PPP6R1: variants seen among roughly 807,000 people sequenced by gnomAD.
PPP6R1 encodes the protein serine/threonine-protein phosphatase 6 regulatory subunit 1.
A neutral mutation model predicts 104.6 loss-of-function variants in PPP6R1; 39 were observed. The observed-to-expected ratio is 0.37, with a 90% CI of 0.29 to 0.49. The LOEUF (loss-of-function observed/expected upper bound fraction) is 0.49, where lower values mean the gene tolerates loss of function less well. Among genes scored for constraint, PPP6R1 ranks in the 20% least tolerant of loss-of-function variants. PPP6R1 has a pLI of 0.98. For synonymous variants in PPP6R1, 549 were observed against 479.0 expected, an observed-to-expected ratio of 1.15 and a Z score of -1.91; for missense variants, 1,181 against 1,155.8, an observed-to-expected ratio of 1.02 and a Z score of -0.32.
At position 55,230,629 on chromosome 19, in the gene PPP6R1, C is replaced by T; in HGVS notation, c.2626G>A (p.Ala876Thr). 6.2e-7 allele frequency: 1 copy of T among 1,611,426 alleles called. No homozygotes were observed. The highest frequency in any genetic ancestry group is 8.5e-7 in the Non-Finnish European group (1 of 1,178,744). ...CACACTCACTGGGAGCCTGGGGATG[C>T]AGGCCCTTCCGGGGCAGAGCCATTG... is the stretch of plus-strand genomic sequence containing the variant. ...IPNGSAPEGP[A>T]SPGSQ is the part of the protein sequence containing the mutation. Residue 876 changes from alanine (A) to threonine (T), a missense_variant, in exon 23 of 24, where the codon GCA (alanine) becomes ACA (threonine). Coordinates refer to ENST00000412770, the MANE Select transcript of PPP6R1 (RefSeq NM_014931.4).
chr19:55,228,411 G>A (rs753736775), downstream of PPP6R1: 13 of 1,612,952 alleles, frequency 8.1e-6, no homozygotes, highest in Admixed American at 8.3e-5. Flanking sequence ...GGATGAAGGG[G>A]CTCAGCCACC....
In PPP6R1 at chr19:55,245,615, A is replaced by T; in HGVS notation, c.291T>A (p.Gly97=). The T allele has an allele frequency of 6.2e-7, 1 of 1,611,688 alleles. No individual in the cohort carries two copies. The change falls in exon 3 of 24, where the codon GGT becomes GGA. Residue 97 remains glycine (G), a synonymous_variant. Coordinates refer to ENST00000412770, the MANE Select transcript of PPP6R1 (RefSeq NM_014931.4). The surrounding 1 kb of genome is among the most constrained non-coding windows in gnomAD (Gnocchi z 6.4). The part of the protein sequence containing the change: ...SDVPQINDAL[G]ADESLLNRLY... ...GCCGGTTCAGAAGGGACTCATCAGC[A>T]CCCAGGGCATCATTGATCTGGGGCA...
At chr19:55,232,457 T>C (rs2122524081) in intron 17 of PPP6R1, 1 of 471,022 alleles carries the variant, frequency 2.1e-6, no homozygotes, top group Non-Finnish European at 3.7e-6. Flanking sequence ...CCGTCGCCAG[T>C]CATCCGTGGA....
At chr19:55,246,292 G>A (rs981410058) in intron 2 of PPP6R1, among the ~76,000 whole-genome samples, 94 of 152,090 alleles carry the variant, frequency 6.2e-4, no homozygotes, top group African/African-American at 2.1e-3. Context: ...TTAGCTGGGC[G>A]TGCTGGCTTA....
At chr19:55,252,695 C>T (rs1017438216) in intron 1 of PPP6R1, among the ~76,000 whole-genome samples, 5 of 152,042 alleles carry the variant, frequency 3.3e-5, no homozygotes, top group Non-Finnish European at 5.9e-5. Context: ...TCACCACGCC[C>T]GGCCTAATTT....
intron 5 of PPP6R1, chr19:55,242,708 T>C (rs1317113822): frequency 3.7e-6 from 2 of 544,508 alleles, no homozygotes; most frequent in Non-Finnish European, 6.7e-6. Context: ...ACAGGAGGCA[T>C]CCACACAAGG....
chr19:55,238,259 C>A (rs1315328656), intron 15 of PPP6R1, among the ~76,000 whole-genome samples: 4 of 152,206 alleles, frequency 2.6e-5, no homozygotes, highest in African/African-American at 9.6e-5. Flanking sequence ...CCCACAAAGA[C>A]CAACGCTCTG....
At chr19:55,232,639 C>T (rs1260553999) in intron 17 of PPP6R1, 1 of 169,956 alleles carries the variant, frequency 5.9e-6, no homozygotes, top group Non-Finnish European at 1.3e-5. Flanking sequence ...CTACTCTCTC[C>T]CTCCAACTAG....
At chr19:55,254,826 G>T (rs2087580459) in intron 1 of PPP6R1, among the ~76,000 whole-genome samples, 1 of 152,198 alleles carries the variant, frequency 6.6e-6, no homozygotes, top group Non-Finnish European at 1.5e-5. Context: ...TGTCCCCCAA[G>T]CCTCTGTCAG....
intron 1 of PPP6R1, among the ~76,000 whole-genome samples, 200 bp downstream of exon 1, chr19:55,258,235 A>C (rs914247945): frequency 6.6e-6 from 1 of 152,082 alleles, no homozygotes; most frequent in African/African-American, 2.4e-5. Context: ...GCTGAGGTGA[A>C]GAGATTAAGA....
rs779810101 is a variant in PPP6R1 at position 55,245,593 on chromosome 19, G to A, written c.313C>T (p.Arg105Trp). Residue 105 changes from arginine to tryptophan, a missense_variant, in exon 3 of 24, where the codon CGG (arginine) becomes TGG (tryptophan). Physicochemically the swap from Arg to Trp is moderately radical, Grantham distance 101 (BLOSUM62 -3). Transcript: ENST00000412770. The surrounding 1 kb of genome is among the most constrained non-coding windows in gnomAD (Gnocchi z 6.4). ...ALGADESLLN[R>W]LYGFLQSTGS... ...GTGCTCTGCAGGAAGCCGTAGAGCC[G>A]GTTCAGAAGGGACTCATCAGCACCC... 4 of 1,612,746 alleles carry A rather than the reference G, an allele frequency of 2.5e-6. No homozygotes were observed. The highest frequency in any genetic ancestry group is 3.4e-6 in the Non-Finnish European group (4 of 1,179,744).
At chr19:55,231,543 C>T (rs1600102689) in intron 20 of PPP6R1, 52 bp from the exon 21 acceptor site, 3 of 1,597,232 alleles carry the variant, frequency 1.9e-6, no homozygotes, top group South Asian at 1.1e-5. Context: ...TCGGAGCTGG[C>T]CAGGCTGCTC....
rs561529421 is a variant in PPP6R1, at chr19:55,242,418, T to A, written c.689A>T (p.Gln230Leu). The change falls in exon 6 of 24, where the codon CAG becomes CTG. Residue 230 changes from glutamine (Q) to leucine (L), a missense_variant. By Grantham distance (113) the Gln-to-Leu change is moderately radical. Coordinates refer to ENST00000412770, the MANE Select transcript of PPP6R1 (RefSeq NM_014931.4). ...CAGTTGGTCAGGCTCTGGGCTGTCC[T>A]GGACTTGGATCATCTGCTCCCGGCT... ...RLSREQMIQV[Q>L]DSPEPDQLLA... The A allele has an allele frequency of 1.2e-6, 2 of 1,613,882 alleles. No individual in the cohort carries two copies. The highest frequency in any genetic ancestry group is 1.3e-5 in the African/African-American group (1 of 74,950).
intron 1 of PPP6R1, among the ~76,000 whole-genome samples, chr19:55,251,761 G>A (rs573314301): frequency 2.0e-5 from 3 of 152,278 alleles, no homozygotes; most frequent in South Asian, 4.1e-4. Flanking sequence ...AGAAAACTCA[G>A]GCTCAGCAAA....
At position 55,235,657 on chromosome 19, in the gene PPP6R1, C is replaced by T. The variant is rs575523808; in HGVS notation, c.1988+986G>A. Among the ~76,000 whole-genome samples the T allele has an allele frequency of 2.2e-3, 328 of 151,004 alleles. 2 individuals are homozygous for T. Among genetic ancestry groups the T allele is most frequent in the African/African-American group, 6.7e-3 (277 of 41,136 alleles). ...CCTCAGCCTCCCAAGTCGCTGGGAC[C>T]ACAGGTGCCCGCCACCACGCCCGGC... On this transcript the variant is annotated intron_variant, in intron 17 of 23. Coordinates refer to ENST00000412770, the MANE Select transcript of PPP6R1 (RefSeq NM_014931.4).
At chr19:55,252,098 T>A (rs547470583) in intron 1 of PPP6R1, among the ~76,000 whole-genome samples, 1 of 152,276 alleles carries the variant, frequency 6.6e-6, no homozygotes, top group East Asian at 1.9e-4. Flanking sequence ...GCTTACAGGC[T>A]TCCAGGAGCT....
rs185704163 is a variant in PPP6R1 at position 55,241,279 on chromosome 19, G to A, written c.1121C>T (p.Thr374Met). The stretch of plus-strand genomic sequence containing the variant: ...CACGTCCAGTGCCAGGAGCTCGTGC[G>A]TCAGGGCTGCATCATTGGCGCTCAG... Reference protein sequence around the residue: ...SALSANDAALTHELLALDVPN... With the variant: ...SALSANDAALMHELLALDVPN... Residue 374 changes from threonine to methionine, a missense_variant, in exon 9 of 24, where the codon ACG becomes ATG. Physicochemically the swap from Thr to Met is moderately conservative, Grantham distance 81 (BLOSUM62 -1). Around this residue, in one of 2 missense-constraint regions of PPP6R1, gnomAD observed 1,042 missense variants for 955.6 expected, o/e 1.09. Coordinates refer to ENST00000412770, the MANE Select transcript of PPP6R1 (RefSeq NM_014931.4). The surrounding 1 kb of genome is among the most constrained non-coding windows in gnomAD (Gnocchi z 5.4). 398 of 1,609,686 alleles carry A rather than the reference G, an allele frequency of 2.5e-4. No individual in the cohort carries two copies. The East Asian group carries it at 2.7e-3, about 11-fold the overall frequency.
rs369177924 is a variant in PPP6R1 at position 55,240,956 on chromosome 19, C to T, written c.1285G>A (p.Val429Ile). Residue 429 changes from valine to isoleucine, a missense_variant, in exon 10 of 24, where the codon GTT becomes ATT. Physicochemically the swap from Val to Ile is conservative, Grantham distance 29. Coordinates refer to ENST00000412770, the MANE Select transcript of PPP6R1 (RefSeq NM_014931.4). ...SSPETPIQNPVVKHLLQQCRL... is the reference protein window; with the variant it reads ...SSPETPIQNPIVKHLLQQCRL... ...GAGTCCCAGCTCACATGTTTCACAA[C>T]AGGGTTTTGGATGGGCGTCTCAGGG... 18 of 1,606,068 alleles carry T rather than the reference C, an allele frequency of 1.1e-5. No homozygotes were observed. In the African/African-American group the frequency reaches 1.9e-4, roughly 17 times the overall value.
At position 55,237,004 on chromosome 19, in the gene PPP6R1, C is replaced by T. The variant is rs762833000; in HGVS notation, c.1752-34G>A. On this transcript the variant is annotated intron_variant, in intron 15 of 23. Transcript: ENST00000412770. ...GAAGGCAAGGCATGGTGAGAAGGTC[C>T]ACCTGGGGGTGGGGGCAGCACAGGA... 5.7e-6 allele frequency: 9 copies of T among 1,571,214 alleles called. No homozygotes were observed. The East Asian group carries it at 1.8e-4, about 31-fold the overall frequency.
Sources: gnomAD v4.1 joint callset for allele counts (sites outside exome capture counted in the v4.1 genomes callset) on GRCh38, gnomAD v4.1.1 for gene constraint, gnomAD v4.1.1 regional missense constraint, Gnocchi (gnomAD v3.1) non-coding constraint, MANE v1.5 for transcripts, NCBI Gene and HGNC (gene_info 2026-07-23, HGNC 2026-07-21) for gene names.